The following TRIM33 variants were observed in gnomAD, a reference collection of about 807,000 sequenced individuals.
TRIM33 encodes the protein tripartite motif containing 33, also known as E3 ubiquitin-protein ligase TRIM33.
A neutral mutation model predicts 125.4 loss-of-function variants in TRIM33; 20 were observed. The observed-to-expected ratio is 0.16, with a 90% CI of 0.11 to 0.23. TRIM33 has a LOEUF of 0.23. Ranked by LOEUF, TRIM33 falls within the 10% of genes least tolerant of loss-of-function variation. The pLI is 1.00. For synonymous variants in TRIM33, 564 were observed against 513.9 expected (o/e 1.10, Z -1.32); for missense variants, 920 against 1,411.4 (o/e 0.65, Z 5.58).
intron 4 of TRIM33, among the ~76,000 whole-genome samples, chr1:114,455,624 G>A (rs1261786753): frequency 6.6e-6 from 1 of 152,198 alleles, no homozygotes; most frequent in Non-Finnish European, 1.5e-5. Context: ...ACAGATGGTT[G>A]TTTTAAAATG....
chr1:114,399,619 G>A lies in TRIM33; in HGVS notation c.2968-10C>T, dbSNP rs1242550730. On this transcript the variant is annotated splice_polypyrimidine_tract_variant and intron_variant, in intron 17 of 19. Transcript: ENST00000358465. ...TATAGTAGTTTGGTATCTAAAATAAGCACATAATGGCAAATAAGAATTCTC... is the reference window on the plus strand; with the variant it reads ...TATAGTAGTTTGGTATCTAAAATAAACACATAATGGCAAATAAGAATTCTC... The A allele has an allele frequency of 1.3e-6, 2 of 1,560,816 alleles. No individual in the cohort carries two copies.
intron 11 of TRIM33, among the ~76,000 whole-genome samples, chr1:114,419,307 C>A (rs761541387): frequency 2.0e-5 from 3 of 152,020 alleles, no homozygotes; most frequent in Non-Finnish European, 4.4e-5. Flanking sequence ...ATAACTCCAC[C>A]TCCTGCGTGG....
chr1:114,498,563 C>A lies in TRIM33; in HGVS notation c.526+11988G>T, dbSNP rs373805292. Among the ~76,000 whole-genome samples the A allele has an allele frequency of 2.8e-4, 43 of 152,094 alleles. No individual in the cohort carries two copies. In the Middle Eastern group the frequency reaches 0.01, roughly 36 times the overall value. The stretch of plus-strand genomic sequence containing the variant: ...CCTCAGCAGGCTGAGGTAGAAGAAT[C>A]GCTTGACCCAGGGAGGCAGAGGTTG... On this transcript the variant is annotated intron_variant, in intron 1 of 19. Coordinates refer to ENST00000358465, the MANE Select transcript of TRIM33 (RefSeq NM_015906.4).
Position 114,475,507 on chromosome 1 carries a change from C to T in TRIM33, c.527-11119G>A, listed in dbSNP as rs185262836. Among the ~76,000 whole-genome samples, 50 of 152,272 alleles carry T rather than the reference C, an allele frequency of 3.3e-4. 1 individual carries two copies. The highest frequency in any genetic ancestry group is 2.7e-3 in the Admixed American group (42 of 15,298). ...CCATCCTGGCAAACACGGTGAAACG[C>T]TGTCTGTACTAAAAATACAAAAAAA... is the stretch of plus-strand genomic sequence containing the variant. On this transcript the variant is annotated intron_variant, in intron 1 of 19. Coordinates refer to ENST00000358465, the MANE Select transcript of TRIM33 (RefSeq NM_015906.4).
At chr1:114,495,701 T>C (rs1652328403) in intron 1 of TRIM33, among the ~76,000 whole-genome samples, 1 of 151,948 alleles carries the variant, frequency 6.6e-6, no homozygotes, top group South Asian at 2.1e-4. Flanking sequence ...GAAGAGAAAA[T>C]TGGATGGATG....
intron 1 of TRIM33, among the ~76,000 whole-genome samples, chr1:114,495,462 T>C (rs1485069927): frequency 6.6e-6 from 1 of 152,176 alleles, no homozygotes; most frequent in East Asian, 1.9e-4. Context: ...TTCCGCAAAA[T>C]AGAATGAGTC....
At position 114,399,489 on chromosome 1, in the gene TRIM33, A is replaced by T; in HGVS notation, c.3088T>A (p.Leu1030Met). The T allele has an allele frequency of 1.2e-6, 2 of 1,613,842 alleles. No individual in the cohort carries two copies. The highest frequency in any genetic ancestry group is 1.7e-6 in the Non-Finnish European group (2 of 1,179,860). Residue 1030 changes from leucine to methionine, a missense_variant, in exon 18 of 20, where the codon TTG (leucine) becomes ATG (methionine). By Grantham distance (15) the Leu-to-Met change is conservative. Around this residue, in one of 8 missense-constraint regions of TRIM33, gnomAD observed 122 missense variants for 236.8 expected, o/e 0.52. Transcript: ENST00000358465. ...IPDDFVADVR[L>M]IFKNCERFNE... is the part of the protein sequence containing the mutation. ...AACCTTTCACAGTTCTTGAAGATCA[A>T]ACGGACATCGGCCACAAAGTCATCC...
At chr1:114,423,576 G>A (rs74520046) in intron 10 of TRIM33, among the ~76,000 whole-genome samples, 1 of 145,972 alleles carries the variant, frequency 6.9e-6, no homozygotes, top group Non-Finnish European at 1.5e-5. Context: ...TTTTTTTTTT[G>A]TTAAATAGAA....
Position 114,511,124 on chromosome 1 carries a change from G to GCGT in TRIM33, c.-51_-49dup. On this transcript the variant is annotated 5_prime_UTR_variant, in exon 1 of 20. Transcript: ENST00000358465. ...GACCGCCCCGCGCCGCCCGCCGCCC[G>GCGT]CGTCGCCGCCGCCGCCGCCCCCAGC... The GCGT allele has an allele frequency of 9.0e-7, 1 of 1,109,936 alleles. No individual in the cohort carries two copies. Among genetic ancestry groups the GCGT allele is most frequent in the Non-Finnish European group, 1.1e-6 (1 of 912,018 alleles). 68.8% of individuals were successfully genotyped at this position (1,109,936 alleles called of 1,614,324 possible).
At chr1:114,456,296 G>A (rs759529616) in intron 4 of TRIM33, among the ~76,000 whole-genome samples, 3 of 152,186 alleles carry the variant, frequency 2.0e-5, no homozygotes, top group Non-Finnish European at 4.4e-5. Context: ...TTTGGACAGT[G>A]TAAGGTACTG....
chr1:114,408,821 T>C lies in TRIM33; in HGVS notation c.2195-81A>G, dbSNP rs900613456. 5.2e-6 allele frequency: 5 copies of C among 964,492 alleles called. No homozygotes were observed. The Admixed American group carries it at 1.0e-4, about 20-fold the overall frequency. The allele number at this position is 964,492 out of a possible 1,614,324, so 59.7% of individuals were successfully genotyped here. ...TACCTACCGGTCACAGAACTCAAGA[T>C]TATTATAACCCAGCTAAAAAATTAT... On this transcript the variant is annotated intron_variant, in intron 12 of 19. Coordinates refer to ENST00000358465, the MANE Select transcript of TRIM33 (RefSeq NM_015906.4).
chr1:114,416,253 T>C (rs748118308), intron 11 of TRIM33, among the ~76,000 whole-genome samples: 1 of 152,162 alleles, frequency 6.6e-6, no homozygotes, highest in Non-Finnish European at 1.5e-5. Flanking sequence ...AAATATTACA[T>C]TTTACCAACA....
At chr1:114,409,178 T>C (rs563334273) in intron 12 of TRIM33, among the ~76,000 whole-genome samples, 21 of 152,166 alleles carry the variant, frequency 1.4e-4, no homozygotes, top group Non-Finnish European at 2.5e-4. Flanking sequence ...TAGAAAGAAG[T>C]AGGTGGTGTG....
rs200064810 is a variant in TRIM33, at chr1:114,440,722, G to GA, written c.924-6990dup. Among the ~76,000 whole-genome samples the GA allele has an allele frequency of 1.0e-2, 1,517 of 152,182 alleles. 22 individuals are homozygous for GA. The highest frequency in any genetic ancestry group is 0.026 in the African/African-American group (1,090 of 41,520). ...TATTTGTGAACTGAGATTGTTCAGA[G>GA]AAAAGTGTCTCCCTGTTTTGCATTT... On this transcript the variant is annotated intron_variant, in intron 4 of 19. Coordinates refer to ENST00000358465, the MANE Select transcript of TRIM33 (RefSeq NM_015906.4).
chr1:114,493,626 T>C (rs971845368), intron 1 of TRIM33, among the ~76,000 whole-genome samples: 5 of 152,106 alleles, frequency 3.3e-5, no homozygotes, highest in African/African-American at 1.2e-4. Context: ...TGGTGTGAAG[T>C]AGGGGTATGA....
intron 15 of TRIM33, among the ~76,000 whole-genome samples, chr1:114,403,341 A>C (rs555676510): frequency 1.3e-5 from 2 of 152,256 alleles, no homozygotes; most frequent in African/African-American, 4.8e-5. Flanking sequence ...AGAACACACA[A>C]ACACATACCT....
chr1:114,493,859 G>A (rs1570665141), intron 1 of TRIM33, among the ~76,000 whole-genome samples: 2 of 152,140 alleles, frequency 1.3e-5, no homozygotes, highest in Non-Finnish European at 2.9e-5. Flanking sequence ...ATGGAGTCTC[G>A]CTCTGTTGCC....
intron 14 of TRIM33, 120 bp from the exon 15 acceptor site, chr1:114,405,879 T>C (rs1405428821): frequency 2.3e-6 from 2 of 855,662 alleles, no homozygotes; most frequent in Admixed American, 3.0e-5. Context: ...ATTTATTTTA[T>C]AGATCACAAT....
intron 1 of TRIM33, among the ~76,000 whole-genome samples, chr1:114,487,357 A>C (rs1459299966): frequency 6.6e-6 from 1 of 151,112 alleles, no homozygotes; most frequent in Non-Finnish European, 1.5e-5. Context: ...AAAAAAAAAA[A>C]CAACCTGGCT....
Sources: gnomAD v4.1 joint callset for allele counts (sites outside exome capture counted in the v4.1 genomes callset) on GRCh38, gnomAD v4.1.1 for gene constraint, gnomAD v4.1.1 regional missense constraint, MANE v1.5 for transcripts, NCBI Gene and HGNC (gene_info 2026-07-23, HGNC 2026-07-21) for gene names.